Variants in NR3C2 observed in about 807,000 individuals in gnomAD.
NR3C2 encodes nuclear receptor subfamily 3 group C member 2, also known as mineralocorticoid receptor.
Under a neutral mutation model 86.4 loss-of-function variants are expected in NR3C2, and 15 were observed. The ratio of observed to expected loss-of-function variants is 0.17; its 90% CI spans 0.12 to 0.27. The LOEUF (loss-of-function observed/expected upper bound fraction) is 0.27. Among genes scored for constraint, NR3C2 ranks in the 10% least tolerant of loss-of-function variants. The pLI, the probability that NR3C2 is intolerant of heterozygous loss-of-function variation, is 1.00. For synonymous variants in NR3C2, 458 were observed against 450.5 expected, an observed-to-expected ratio of 1.02 and a Z score of -0.21; for missense variants, 960 against 1,195.6, an observed-to-expected ratio of 0.80 and a Z score of 2.91.
intron 4 of NR3C2, among the ~76,000 whole-genome samples, chr4:148,184,485 G>T (rs1735796432): frequency 6.6e-6 from 1 of 151,494 alleles, no homozygotes; most frequent in Non-Finnish European, 1.5e-5. Flanking sequence ...ATAAGGATAG[G>T]CATTTTATTT....
At chr4:148,250,163 CCTAT>C (rs1423925677) in intron 3 of NR3C2, among the ~76,000 whole-genome samples, 3 of 151,958 alleles carry the variant, frequency 2.0e-5, no homozygotes, top group Non-Finnish European at 2.9e-5. Flanking sequence ...TTCTCTTTTT[CCTAT>C]CTAACAAGTC....
chr4:148,105,396 C>T (rs1401743116), intron 8 of NR3C2, among the ~76,000 whole-genome samples: 1 of 152,072 alleles, frequency 6.6e-6, no homozygotes, highest in East Asian at 1.9e-4. Context: ...AGCCTACCAA[C>T]CAAAAAAAGC....
At chr4:148,428,969 A>G (rs1258151726) in intron 2 of NR3C2, among the ~76,000 whole-genome samples, 1 of 152,082 alleles carries the variant, frequency 6.6e-6, no homozygotes, top group Non-Finnish European at 1.5e-5. Context: ...TTCTAGTTCC[A>G]ACTAGCCTCT....
intron 8 of NR3C2, among the ~76,000 whole-genome samples, chr4:148,113,347 T>C (rs538686241): frequency 7.2e-5 from 11 of 152,314 alleles, no homozygotes; most frequent in Admixed American, 2.0e-4. Context: ...TTGTAGAAGA[T>C]GGACACTATT....
rs142880237 is a variant in NR3C2, at chr4:148,175,219, G to A, written c.2014+19527C>T. Among the ~76,000 whole-genome samples the A allele has an allele frequency of 6.2e-3, 946 of 152,254 alleles. 5 individuals are homozygous for A. Among genetic ancestry groups the A allele is most frequent in the South Asian group, 0.032 (153 of 4,826 alleles). On this transcript the variant is annotated intron_variant, in intron 4 of 8. Transcript: ENST00000358102. Reference sequence around the variant, plus strand: ...CTAAAGGCCGGTTAAAAAAACCAATGAAAGGACCTTCTTATCCTAAGAAGA... The same window carrying A: ...CTAAAGGCCGGTTAAAAAAACCAATAAAAGGACCTTCTTATCCTAAGAAGA...
At position 148,436,190 on chromosome 4, in the gene NR3C2, G is replaced by A. The variant is rs763664696; in HGVS notation, c.671C>T (p.Pro224Leu). The change falls in exon 2 of 9, where the codon CCA (proline) becomes CTA (leucine). Residue 224 changes from proline (P) to leucine (L), a missense_variant. This residue lies in a region of NR3C2 where 680 missense variants were observed against 719.0 expected (regional missense o/e 0.95). Coordinates refer to ENST00000358102, the MANE Select transcript of NR3C2 (RefSeq NM_000901.5). The part of the protein sequence containing the change: ...SSTTASFGSF[P>L]VHSPITQGTP... ...TCCCTGGGTGATTGGGCTGTGCACT[G>A]GAAAACTGCCAAAGCTGGCTGTGGT... is the stretch of plus-strand genomic sequence containing the variant. The A allele has an allele frequency of 2.5e-6, 4 of 1,614,166 alleles. No individual in the cohort carries two copies. Among genetic ancestry groups the A allele is most frequent in the Non-Finnish European group, 3.4e-6 (4 of 1,180,026 alleles).
chr4:148,103,126 C>T (rs947125978), intron 8 of NR3C2, among the ~76,000 whole-genome samples: 4 of 152,278 alleles, frequency 2.6e-5, no homozygotes, highest in East Asian at 3.9e-4. Flanking sequence ...TGGCAAACCC[C>T]GACTTGACTT....
chr4:148,237,177 G>A (rs1043109649), intron 3 of NR3C2, among the ~76,000 whole-genome samples: 1 of 152,068 alleles, frequency 6.6e-6, no homozygotes, highest in East Asian at 1.9e-4. Context: ...GAAATTTGGG[G>A]GAAAAAATCA....
intron 2 of NR3C2, among the ~76,000 whole-genome samples, chr4:148,293,895 T>C (rs1741913633): frequency 6.6e-6 from 1 of 152,190 alleles, no homozygotes; most frequent in African/African-American, 2.4e-5. Context: ...CACGGTTTGT[T>C]GGGTGCCTAT....
At chr4:148,289,439 G>A (rs1459744944) in intron 2 of NR3C2, among the ~76,000 whole-genome samples, 1 of 152,078 alleles carries the variant, frequency 6.6e-6, no homozygotes, top group Non-Finnish European at 1.5e-5. Context: ...GGCATTCACA[G>A]GCCTTAATAT....
intron 2 of NR3C2, among the ~76,000 whole-genome samples, chr4:148,336,262 C>T (rs1028286607): frequency 6.6e-6 from 1 of 152,078 alleles, no homozygotes; most frequent in African/African-American, 2.4e-5. Context: ...TAGGGAAGAC[C>T]TAAGGCAGTG....
intron 4 of NR3C2, among the ~76,000 whole-genome samples, chr4:148,155,889 G>T (rs1466968043): frequency 6.6e-6 from 1 of 152,080 alleles, no homozygotes; most frequent in African/African-American, 2.4e-5. Flanking sequence ...AACCAAAACA[G>T]CATGGTACTG....
At chr4:148,393,430 G>C (rs1361243120) in intron 2 of NR3C2, among the ~76,000 whole-genome samples, 1 of 152,220 alleles carries the variant, frequency 6.6e-6, no homozygotes, top group African/African-American at 2.4e-5. Flanking sequence ...CATTTTAAAA[G>C]CTTTGCAAAT....
intron 4 of NR3C2, among the ~76,000 whole-genome samples, chr4:148,161,982 A>G (rs766665570): frequency 6.6e-6 from 1 of 152,122 alleles, no homozygotes; most frequent in Non-Finnish European, 1.5e-5. Context: ...CCTCTGTGGT[A>G]ATTTCCACCA....
chr4:148,208,558 C>G (rs941623090), intron 3 of NR3C2: 1 of 152,312 alleles, frequency 6.6e-6, no homozygotes, highest in South Asian at 2.1e-4. Flanking sequence ...AAGCCCAGTC[C>G]CAAGACTGGG....
chr4:148,391,425 T>C (rs1423245649), intron 2 of NR3C2, among the ~76,000 whole-genome samples: 2 of 152,222 alleles, frequency 1.3e-5, no homozygotes, highest in Admixed American at 6.5e-5. Context: ...TACTATTTTG[T>C]TTAACCTCAT....
intron 2 of NR3C2, among the ~76,000 whole-genome samples, chr4:148,386,872 C>T (rs893008612): frequency 3.3e-5 from 5 of 152,120 alleles, no homozygotes; most frequent in African/African-American, 1.2e-4. Context: ...TGCCCTCTTC[C>T]TGGACTTCAT....
At chr4:148,429,824 C>T (rs1749717499) in intron 2 of NR3C2, among the ~76,000 whole-genome samples, 1 of 152,028 alleles carries the variant, frequency 6.6e-6, no homozygotes, top group Non-Finnish European at 1.5e-5. Flanking sequence ...TAAATGTAAT[C>T]AAGAAGCTAA....
intron 2 of NR3C2, among the ~76,000 whole-genome samples, chr4:148,264,815 A>G (rs1740293799): frequency 6.6e-6 from 1 of 152,218 alleles, no homozygotes; most frequent in South Asian, 2.1e-4. Flanking sequence ...ACACTGTTTG[A>G]TCTGGATCAA....
Sources: gnomAD v4.1 joint callset for allele counts (sites outside exome capture counted in the v4.1 genomes callset) on GRCh38, gnomAD v4.1.1 for gene constraint, gnomAD v4.1.1 regional missense constraint, MANE v1.5 for transcripts, NCBI Gene and HGNC (gene_info 2026-07-23, HGNC 2026-07-21) for gene names.